MAPKAP1: variants seen among roughly 807,000 people sequenced by gnomAD.
MAPKAP1 encodes target of rapamycin complex 2 subunit MAPKAP1.
Under a neutral mutation model 65.7 loss-of-function variants are expected in MAPKAP1, and 20 were observed. That is an observed-to-expected ratio of 0.30 (90% CI 0.21 to 0.44). The LOEUF (loss-of-function observed/expected upper bound fraction) is 0.44, where lower values mean the gene tolerates loss of function less well. Among genes scored for constraint, MAPKAP1 ranks in the 20% least tolerant of loss-of-function variants. The pLI, the probability that MAPKAP1 is intolerant of heterozygous loss-of-function variation, is 1.00. For synonymous variants in MAPKAP1, 222 were observed against 244.3 expected (o/e 0.91, Z 0.85); for missense variants, 423 against 648.0 (o/e 0.65, Z 3.77).
At chr9:125,555,701 A>G (rs1377013451) in intron 6 of MAPKAP1, among the ~76,000 whole-genome samples, 2 of 152,226 alleles carry the variant, frequency 1.3e-5, no homozygotes, top group African/African-American at 4.8e-5. Flanking sequence ...ATACAGAGAG[A>G]CAATAAGACT....
intron 7 of MAPKAP1, chr9:125,513,246 T>C (rs1829361167): frequency 6.6e-6 from 1 of 152,194 alleles, no homozygotes; most frequent in Non-Finnish European, 1.5e-5. Flanking sequence ...TAATTCCAAA[T>C]ATTTTTGGGA....
intron 10 of MAPKAP1, among the ~76,000 whole-genome samples, chr9:125,463,126 C>T (rs1398777103): frequency 6.6e-6 from 1 of 152,218 alleles, no homozygotes; most frequent in African/African-American, 2.4e-5. Flanking sequence ...TGCAGAACCG[C>T]TCGATAGCAA....
In MAPKAP1 at chr9:125,629,054, A is replaced by AACACACACACACAC. The variant is rs71374284; in HGVS notation, c.498+28583_498+28596dup. On this transcript the variant is annotated intron_variant, in intron 4 of 11. Coordinates refer to ENST00000265960, the MANE Select transcript of MAPKAP1 (RefSeq NM_001006617.3). ...CACCTGTTAGGATGGTCACTGTCAA[A>AACACACACACACAC]ACACACACACACACACACACACACA... 3.3e-3 allele frequency among the ~76,000 whole-genome samples: 480 copies of AACACACACACACAC among 147,480 alleles called. 2 individuals are homozygous for AACACACACACACAC. The highest frequency in any genetic ancestry group is 0.011 in the African/African-American group (443 of 39,900).
chr9:125,653,359 A>G (rs1833945309), intron 4 of MAPKAP1, among the ~76,000 whole-genome samples: 1 of 152,216 alleles, frequency 6.6e-6, no homozygotes, highest in South Asian at 2.1e-4. Flanking sequence ...AGTTTGACGA[A>G]AAGTGGAAAG....
chr9:125,444,438 C>G (rs907501), intron 11 of MAPKAP1, 63 bp downstream of exon 11: 1,182,438 of 1,318,586 alleles, frequency 0.9, 531,427 homozygotes, highest in East Asian at 1. Context: ...GGCCATGCCG[C>G]AAACAGCCTG....
intron 5 of MAPKAP1, among the ~76,000 whole-genome samples, chr9:125,575,042 C>A (rs1194616915): frequency 6.6e-6 from 1 of 152,134 alleles, no homozygotes; most frequent in Non-Finnish European, 1.5e-5. Context: ...TTAGAGAGCT[C>A]CTATGAAGAA....
chr9:125,452,818 G>A (rs1051167676), intron 10 of MAPKAP1, among the ~76,000 whole-genome samples: 2 of 152,032 alleles, frequency 1.3e-5, no homozygotes, highest in Non-Finnish European at 2.9e-5. Flanking sequence ...CTGGGAAGTG[G>A]AGGTTGCAGT....
At chr9:125,549,717 G>A (rs1054261051) in intron 6 of MAPKAP1, among the ~76,000 whole-genome samples, 5 of 152,110 alleles carry the variant, frequency 3.3e-5, no homozygotes, top group African/African-American at 1.2e-4. Context: ...ATCCGGTCAT[G>A]CCTGCTTAGC....
rs1304674034 is a variant in MAPKAP1 at position 125,459,873 on chromosome 9, G to GGGAGAGGGAGAGGGAGAGGGAGAA, written c.1345+8098_1345+8099insTTCTCCCTCTCCCTCTCCCTCTCC. On this transcript the variant is annotated intron_variant, in intron 10 of 11. Coordinates refer to ENST00000265960, the MANE Select transcript of MAPKAP1 (RefSeq NM_001006617.3). Reference sequence around the variant, plus strand: ...GACCGTGGGGAGAGGGAGAGGGAGAGGGACGCATATGGAGTCTTATAAGCA... The same window carrying GGGAGAGGGAGAGGGAGAGGGAGAA: ...GACCGTGGGGAGAGGGAGAGGGAGAGGGAGAGGGAGAGGGAGAGGGAGAAGGACGCATATGGAGTCTTATAAGCA... 9.5e-4 allele frequency among the ~76,000 whole-genome samples: 140 copies of GGGAGAGGGAGAGGGAGAGGGAGAA among 146,776 alleles called. 2 individuals are homozygous for GGGAGAGGGAGAGGGAGAGGGAGAA. The highest frequency in any genetic ancestry group is 3.4e-3 in the African/African-American group (137 of 39,848).
intron 6 of MAPKAP1, 80 bp from the exon 7 acceptor site, chr9:125,543,248 A>C: frequency 9.4e-7 from 1 of 1,066,644 alleles, no homozygotes. Flanking sequence ...GTGTTTAAGC[A>C]AGTTTTTTTT....
chr9:125,485,178 A>G (rs1165489961), intron 8 of MAPKAP1, among the ~76,000 whole-genome samples: 2 of 152,310 alleles, frequency 1.3e-5, no homozygotes, highest in East Asian at 3.9e-4. Context: ...CTATTGATAG[A>G]CATAGCTGTC....
At chr9:125,657,938 A>G (rs938200533) in intron 3 of MAPKAP1, 139 bp from the exon 4 acceptor site, 2 of 757,524 alleles carry the variant, frequency 2.6e-6, no homozygotes, top group Non-Finnish European at 4.3e-6. Flanking sequence ...AGAAAGCCCC[A>G]CAATATACCG....
chr9:125,677,209 C>T (rs190935532), intron 1 of MAPKAP1, among the ~76,000 whole-genome samples: 4 of 152,176 alleles, frequency 2.6e-5, no homozygotes, highest in East Asian at 1.9e-4. Context: ...GAGGCCGAGG[C>T]GGGCGGATCA....
At chr9:125,605,596 G>A (rs538093229) in intron 4 of MAPKAP1, among the ~76,000 whole-genome samples, 3 of 152,300 alleles carry the variant, frequency 2.0e-5, no homozygotes, top group African/African-American at 7.2e-5. Flanking sequence ...CCGCACGGCC[G>A]CATCTCTGCA....
intron 4 of MAPKAP1, chr9:125,596,632 C>T: frequency 3.1e-6 from 2 of 642,062 alleles, no homozygotes; most frequent in Non-Finnish European, 5.9e-6. Flanking sequence ...ATTTTAATTA[C>T]TGCCAGCAAA....
At chr9:125,682,912 C>A (rs1271167161) in intron 1 of MAPKAP1, among the ~76,000 whole-genome samples, 1 of 151,736 alleles carries the variant, frequency 6.6e-6, no homozygotes, top group Non-Finnish European at 1.5e-5. Flanking sequence ...TGGCCACTGC[C>A]TTCATGGATC....
chr9:125,528,412 G>C (rs1040213980), intron 7 of MAPKAP1, among the ~76,000 whole-genome samples: 2 of 152,236 alleles, frequency 1.3e-5, no homozygotes, highest in Non-Finnish European at 2.9e-5. Context: ...CCTGCATCAA[G>C]GAGGGGTGCT....
In MAPKAP1 at chr9:125,503,352, T is replaced by C. The variant is rs575573696; in HGVS notation, c.1066+2958A>G. On this transcript the variant is annotated intron_variant, in intron 8 of 11. Coordinates refer to ENST00000265960, the MANE Select transcript of MAPKAP1 (RefSeq NM_001006617.3). ...GCTATCCACAACCCAGCTCAACCTT[T>C]AGGCTGCACTGCCAGACAGGCAGAT... Among the ~76,000 whole-genome samples, 32 of 152,348 alleles carry C rather than the reference T, an allele frequency of 2.1e-4. 1 individual carries two copies. The highest frequency in any genetic ancestry group is 4.1e-4 in the South Asian group (2 of 4,824).
At chr9:125,705,388 A>G (rs557684383) in intron 1 of MAPKAP1, among the ~76,000 whole-genome samples, 4 of 152,312 alleles carry the variant, frequency 2.6e-5, no homozygotes, top group African/African-American at 9.6e-5. Flanking sequence ...CTCAAAGTTT[A>G]GTTTACCTCA....
Sources: allele counts gnomAD v4.1 joint callset (sites outside exome capture counted in the v4.1 genomes callset), GRCh38; gene constraint gnomAD v4.1.1; transcripts MANE v1.5; gene names NCBI Gene and HGNC (gene_info 2026-07-23, HGNC 2026-07-21).